Variants in GLIS1 observed in about 807,000 individuals in gnomAD.
GLIS1 encodes zinc finger protein GLIS1.
A neutral mutation model predicts 63.8 loss-of-function variants in GLIS1; 24 were observed. That is an observed-to-expected ratio of 0.38 (90% CI 0.27 to 0.53). The LOEUF (loss-of-function observed/expected upper bound fraction) is 0.53, where lower values mean the gene tolerates loss of function less well. Ranked by LOEUF, GLIS1 falls within the 20% of genes least tolerant of loss-of-function variation. The pLI is 0.85. For missense variants in GLIS1, 1,036 were observed against 1,074.1 expected (o/e 0.96, Z 0.50); for synonymous variants, 450 against 482.5 (o/e 0.93, Z 0.88).
At chr1:53,585,322 C>T (rs544689226) in intron 4 of GLIS1, among the ~76,000 whole-genome samples, 1 of 152,204 alleles carries the variant, frequency 6.6e-6, no homozygotes, top group South Asian at 2.1e-4. Context: ...GTTCTCACAA[C>T]ACTCTCCCCT....
chr1:53,679,910 G>A (rs141554701), intron 2 of GLIS1, among the ~76,000 whole-genome samples: 1 of 152,278 alleles, frequency 6.6e-6, no homozygotes, highest in Non-Finnish European at 1.5e-5. Flanking sequence ...ACCCACACCT[G>A]AGGCAGCCTG....
chr1:53,554,827 C>A (rs1400128714), intron 4 of GLIS1, among the ~76,000 whole-genome samples: 3 of 152,226 alleles, frequency 2.0e-5, no homozygotes, highest in Non-Finnish European at 4.4e-5. Flanking sequence ...GCCCTCGACA[C>A]ACCCCCTGTC....
chr1:53,543,938 C>T (rs907712624), intron 4 of GLIS1, among the ~76,000 whole-genome samples: 1 of 151,744 alleles, frequency 6.6e-6, no homozygotes, highest in African/African-American at 2.4e-5. Flanking sequence ...TACATCCACA[C>T]GGGAGAGCAG....
chr1:53,697,549 C>T (rs576026866), intron 2 of GLIS1, among the ~76,000 whole-genome samples: 1 of 152,242 alleles, frequency 6.6e-6, no homozygotes, highest in Non-Finnish European at 1.5e-5. Flanking sequence ...ATGTGATCCA[C>T]CCCCAGCAGA....
chr1:53,543,898 G>A (rs1644670638), intron 4 of GLIS1, among the ~76,000 whole-genome samples: 1 of 152,034 alleles, frequency 6.6e-6, no homozygotes, highest in African/African-American at 2.4e-5. Flanking sequence ...GCCACCACTT[G>A]CAAGAGAGGA....
In GLIS1 at chr1:53,711,189, C is replaced by T. The variant is rs573149130; in HGVS notation, c.259+26617G>A. ...CCTCTACTTGAACTGCCCTGTAAAC[C>T]CCAGAGATGAGGAAACTAAGGAAGT... On this transcript the variant is annotated intron_variant, in intron 2 of 10. Transcript: ENST00000628545. Among the ~76,000 whole-genome samples the T allele has an allele frequency of 2.6e-5, 4 of 152,226 alleles. No homozygotes were observed. The East Asian group carries it at 5.8e-4, about 22-fold the overall frequency.
chr1:53,736,699 AAAGTC>A (rs1361736049), intron 2 of GLIS1, among the ~76,000 whole-genome samples: 2 of 152,186 alleles, frequency 1.3e-5, no homozygotes, highest in Admixed American at 6.5e-5. Context: ...TCTCTCTTAC[AAAGTC>A]AAGTGTTTTC....
chr1:53,531,527 T>C (rs1021847069), intron 4 of GLIS1, among the ~76,000 whole-genome samples: 2 of 152,158 alleles, frequency 1.3e-5, no homozygotes, highest in Admixed American at 1.3e-4. Context: ...GTTCAGCACA[T>C]TGAGTAATTT....
Position 53,539,477 on chromosome 1 carries a change from C to G in GLIS1, c.1321-9525G>C, listed in dbSNP as rs1644618168. 6.6e-5 allele frequency among the ~76,000 whole-genome samples: 10 copies of G among 150,910 alleles called. No individual in the cohort carries two copies. The South Asian group carries it at 2.1e-3, about 32-fold the overall frequency. On this transcript the variant is annotated intron_variant, in intron 4 of 10. Transcript: ENST00000628545. The surrounding 1 kb of genome is among the most constrained non-coding windows in gnomAD (Gnocchi z 5.0). ...CCCCCAATACATACACATCATACCT[C>G]CCACACACACGTACCACACCCCCAA...
intron 2 of GLIS1, among the ~76,000 whole-genome samples, chr1:53,654,128 C>T (rs1315809867): frequency 6.6e-6 from 1 of 152,198 alleles, no homozygotes; most frequent in Middle Eastern, 3.2e-3. Flanking sequence ...CACAGTTGAG[C>T]CTGGCACTTC....
At position 53,520,737 on chromosome 1, in the gene GLIS1, G is replaced by A. The variant is rs372024955; in HGVS notation, c.1623C>T (p.Asp541=). ...KLHAGPDTEA[D]VLTECLVLQQ... ...GCAGGACCAGACACTCGGTCAGGAC[G>A]TCGGCCTCGGTGTCAGGGCCCGCAT... Residue 541 remains aspartate (D), a synonymous_variant, in exon 7 of 11, where the codon GAC becomes GAT. Coordinates refer to ENST00000628545, the MANE Select transcript of GLIS1 (RefSeq NM_001367484.1). The A allele has an allele frequency of 2.0e-4, 314 of 1,607,282 alleles. 1 individual carries two copies. Among genetic ancestry groups the A allele is most frequent in the East Asian group, 9.0e-4 (40 of 44,658 alleles).
chr1:53,624,672 C>T (rs1645577373), intron 2 of GLIS1, among the ~76,000 whole-genome samples: 1 of 151,888 alleles, frequency 6.6e-6, no homozygotes, highest in Admixed American at 6.6e-5. Context: ...TCCTGAGAAG[C>T]TAGAACTACA....
chr1:53,714,127 C>T (rs1346901722), intron 2 of GLIS1, among the ~76,000 whole-genome samples: 2 of 152,166 alleles, frequency 1.3e-5, no homozygotes, highest in Non-Finnish European at 2.9e-5. Context: ...GAAATACAAA[C>T]AAGGTCCAAA....
intron 2 of GLIS1, among the ~76,000 whole-genome samples, chr1:53,692,091 CT>C (rs576999114): frequency 1.3e-3 from 204 of 152,338 alleles, no homozygotes; most frequent in Non-Finnish European, 2.4e-3. Context: ...ACCCCTCAAA[CT>C]GCCTCCCTTT....
chr1:53,520,850 A>G, intron 6 of GLIS1, 84 bp from the exon 7 acceptor site: 1 of 1,427,074 alleles, frequency 7.0e-7, no homozygotes, highest in Non-Finnish European at 9.3e-7. Context: ...CAGGGCAGAA[A>G]GGACTGCAGC....
intron 2 of GLIS1, among the ~76,000 whole-genome samples, chr1:53,664,446 G>C (rs3006905): frequency 0.65 from 98,170 of 152,166 alleles, 33,537 homozygotes; most frequent in South Asian, 0.76. Context: ...TTTGCAAAGA[G>C]CACTTGCCTC....
At chr1:53,534,518 T>C (rs1392145950) in intron 4 of GLIS1, among the ~76,000 whole-genome samples, 2 of 151,888 alleles carry the variant, frequency 1.3e-5, no homozygotes, top group South Asian at 2.1e-4. Flanking sequence ...GAGAGGGAGA[T>C]TGTTCCCCCT....
At chr1:53,686,817 C>T (rs905128787) in intron 2 of GLIS1, among the ~76,000 whole-genome samples, 4 of 147,356 alleles carry the variant, frequency 2.7e-5, no homozygotes, top group East Asian at 2.0e-4. Flanking sequence ...GTGGCCTGAA[C>T]GGTGGCGGGG....
In GLIS1 at chr1:53,514,585, C is replaced by T. The variant is rs752942106; in HGVS notation, c.1883+40G>A. On this transcript the variant is annotated intron_variant, in intron 8 of 10. Transcript: ENST00000628545. ...CTCCCTGCCTCCCCCCGAGATCCCC[C>T]CTTGTTGCCCCTGGAGGAGGACTGG... is the stretch of plus-strand genomic sequence containing the variant. 5 of 1,598,914 alleles carry T rather than the reference C, an allele frequency of 3.1e-6. No individual in the cohort carries two copies. The South Asian group carries it at 4.5e-5, about 14-fold the overall frequency.
Sources: gnomAD v4.1 joint callset for allele counts (sites outside exome capture counted in the v4.1 genomes callset) on GRCh38, gnomAD v4.1.1 for gene constraint, Gnocchi (gnomAD v3.1) non-coding constraint, MANE v1.5 for transcripts, NCBI Gene and HGNC (gene_info 2026-07-23, HGNC 2026-07-21) for gene names.